CACHD1: variants seen among roughly 807,000 people sequenced by gnomAD.
CACHD1 encodes the protein cache domain containing 1.
CACHD1 carries 71 observed loss-of-function variants against 138.7 expected under a neutral mutation model. The ratio of observed to expected loss-of-function variants is 0.51; its 90% CI spans 0.42 to 0.62. CACHD1 has a LOEUF of 0.62. Ranked by LOEUF, CACHD1 falls within the 20% of genes least tolerant of loss-of-function variation. The pLI is 0.00. For synonymous variants in CACHD1, 578 were observed against 591.5 expected (o/e 0.98, Z 0.33); for missense variants, 1,389 against 1,625.3 (o/e 0.85, Z 2.50).
At chr1:64,690,942 A>G (rs960767841) in intron 26 of CACHD1, among the ~76,000 whole-genome samples, 3 of 152,194 alleles carry the variant, frequency 2.0e-5, no homozygotes, top group African/African-American at 4.8e-5. Flanking sequence ...TATCTTTATC[A>G]TAGGTAAAAG....
chr1:64,650,129 A>G (rs10493361), intron 9 of CACHD1, among the ~76,000 whole-genome samples: 4 of 152,362 alleles, frequency 2.6e-5, no homozygotes, highest in Non-Finnish European at 5.9e-5. Flanking sequence ...GGAGCTTAGC[A>G]TACTTTATTT....
intron 23 of CACHD1, 56 bp downstream of exon 23, chr1:64,678,366 A>G: frequency 6.8e-7 from 1 of 1,466,740 alleles, no homozygotes; most frequent in Non-Finnish European, 9.1e-7. Flanking sequence ...TTTCCTGCCT[A>G]TATGCTAGGA....
At chr1:64,494,099 T>G (rs1646293433) in intron 1 of CACHD1, among the ~76,000 whole-genome samples, 1 of 152,212 alleles carries the variant, frequency 6.6e-6, no homozygotes, top group African/African-American at 2.4e-5. Flanking sequence ...ACTTCAGAGC[T>G]GAGCATCTTA....
At chr1:64,564,414 G>A (rs1234012239) in intron 2 of CACHD1, among the ~76,000 whole-genome samples, 1 of 152,064 alleles carries the variant, frequency 6.6e-6, no homozygotes, top group East Asian at 1.9e-4. Flanking sequence ...AAGCCCTGAT[G>A]CCTTTCTGTA....
intron 4 of CACHD1, among the ~76,000 whole-genome samples, chr1:64,620,129 T>C (rs1471844969): frequency 6.6e-6 from 1 of 152,140 alleles, no homozygotes; most frequent in African/African-American, 2.4e-5. Context: ...CACCATATCT[T>C]ATCAGTTTTT....
chr1:64,691,578 A>C lies in CACHD1; in HGVS notation c.*17A>C. On this transcript the variant is annotated 3_prime_UTR_variant, in exon 27 of 27. Transcript: ENST00000651257. ...GAATGCTAACAATCTCCTCACCTCCACGCCAAGATGAGATCTGGGAGCTAC... is the reference window on the plus strand; with the variant it reads ...GAATGCTAACAATCTCCTCACCTCCCCGCCAAGATGAGATCTGGGAGCTAC... The C allele has an allele frequency of 6.3e-7, 1 of 1,599,026 alleles. No individual in the cohort carries two copies. Among genetic ancestry groups the C allele is most frequent in the Non-Finnish European group, 8.6e-7 (1 of 1,166,486 alleles).
At chr1:64,671,193 G>A (rs1649801288) in intron 16 of CACHD1, among the ~76,000 whole-genome samples, 1 of 147,034 alleles carries the variant, frequency 6.8e-6, no homozygotes, top group African/African-American at 2.5e-5. Flanking sequence ...TTGCTAAGGG[G>A]GATTTTTTTT....
Position 64,641,832 on chromosome 1 carries a change from T to G in CACHD1, c.1019T>G (p.Val340Gly), listed in dbSNP as rs757848790. The G allele has an allele frequency of 1.3e-5, 20 of 1,548,512 alleles. No homozygotes were observed. The Admixed American group carries it at 4.1e-4, about 32-fold the overall frequency. ...TGTTTTTGTTTAGATACAGACATGGTCATCATTTACCTGTCAGCTGGCATT... is the reference window on the plus strand; with the variant it reads ...TGTTTTTGTTTAGATACAGACATGGGCATCATTTACCTGTCAGCTGGCATT... Reference protein sequence around the residue: ...NTKFQANTDMVIIYLSAGITS... With the variant: ...NTKFQANTDMGIIYLSAGITS... The change falls in exon 8 of 27, where the codon GTC becomes GGC. Residue 340 changes from valine to glycine, a missense_variant. Around this residue, in one of 5 missense-constraint regions of CACHD1, gnomAD observed 1,000 missense variants for 1,114.7 expected, o/e 0.90. Transcript: ENST00000651257.
intron 22 of CACHD1, among the ~76,000 whole-genome samples, chr1:64,677,342 G>A (rs1274644672): frequency 6.6e-6 from 1 of 152,136 alleles, no homozygotes; most frequent in Non-Finnish European, 1.5e-5. Context: ...ATATTTTGAA[G>A]CTCATTTATT....
Position 64,516,377 on chromosome 1 carries a change from C to T in CACHD1, c.199-34217C>T, listed in dbSNP as rs555967463. On this transcript the variant is annotated intron_variant, in intron 1 of 26. Coordinates refer to ENST00000651257, the MANE Select transcript of CACHD1 (RefSeq NM_020925.4). ...ATGTGGTTCTAGAACAGCTGTTTTG[C>T]TGATCTGCCTCATCTCTAGACTTGG... 3.9e-5 allele frequency among the ~76,000 whole-genome samples: 6 copies of T among 152,306 alleles called. No homozygotes were observed. In the South Asian group the frequency reaches 1.0e-3, roughly 26 times the overall value.
intron 1 of CACHD1, among the ~76,000 whole-genome samples, chr1:64,532,214 G>A (rs1016311533): frequency 2.0e-5 from 3 of 152,144 alleles, no homozygotes; most frequent in Non-Finnish European, 4.4e-5. Context: ...TCTGTGTTTT[G>A]AATTTCCAGT....
At position 64,626,018 on chromosome 1, in the gene CACHD1, T is replaced by C. The variant is rs1033015004; in HGVS notation, c.518-3337T>C. On this transcript the variant is annotated intron_variant, in intron 4 of 26. Coordinates refer to ENST00000651257, the MANE Select transcript of CACHD1 (RefSeq NM_020925.4). ...AGTCCCCACATAGGCATAACCCTGT[T>C]TGGCTCTGGGCATAAGTTTCTGGGA... is the stretch of plus-strand genomic sequence containing the variant. Among the ~76,000 whole-genome samples the C allele has an allele frequency of 3.9e-5, 6 of 152,214 alleles. No individual in the cohort carries two copies. The South Asian group carries it at 1.2e-3, about 32-fold the overall frequency.
At chr1:64,684,971 G>A (rs138731874) in intron 26 of CACHD1, among the ~76,000 whole-genome samples, 3 of 152,154 alleles carry the variant, frequency 2.0e-5, no homozygotes, top group Admixed American at 6.5e-5. Flanking sequence ...CACCATGCCC[G>A]GCTAATTTTG....
intron 2 of CACHD1, among the ~76,000 whole-genome samples, chr1:64,567,686 T>C (rs1231332987): frequency 6.6e-6 from 1 of 152,194 alleles, no homozygotes; most frequent in African/African-American, 2.4e-5. Flanking sequence ...TCTAAAAACA[T>C]ATGCTGTGTT....
chr1:64,556,935 G>A (rs899302966), intron 2 of CACHD1, among the ~76,000 whole-genome samples: 3 of 152,036 alleles, frequency 2.0e-5, no homozygotes, highest in East Asian at 1.9e-4. Context: ...TGGCTAACAC[G>A]GTGAAACCCC....
intron 1 of CACHD1, among the ~76,000 whole-genome samples, chr1:64,514,224 A>G (rs972778957): frequency 1.3e-5 from 2 of 152,220 alleles, no homozygotes; most frequent in African/African-American, 4.8e-5. Flanking sequence ...CAGGGTCTTC[A>G]GCTAAAAGTG....
chr1:64,531,200 A>C (rs1646582493), intron 1 of CACHD1, among the ~76,000 whole-genome samples: 1 of 152,160 alleles, frequency 6.6e-6, no homozygotes. Flanking sequence ...AAACCCTTTA[A>C]AGGAAACACT....
At chr1:64,481,353 C>G (rs1646210730) in intron 1 of CACHD1, among the ~76,000 whole-genome samples, 1 of 151,938 alleles carries the variant, frequency 6.6e-6, no homozygotes, top group African/African-American at 2.4e-5. Flanking sequence ...TAAAGATATT[C>G]AAGGCCCTGG....
intron 8 of CACHD1, among the ~76,000 whole-genome samples, chr1:64,643,373 T>C (rs908087053): frequency 1.1e-4 from 17 of 152,386 alleles, no homozygotes; most frequent in Non-Finnish European, 2.4e-4. Context: ...CCTTAGCTGC[T>C]GTCCACATTT....
Sources: allele counts gnomAD v4.1 joint callset (sites outside exome capture counted in the v4.1 genomes callset), GRCh38; gene constraint gnomAD v4.1.1; regional missense constraint gnomAD v4.1.1; transcripts MANE v1.5; gene names NCBI Gene and HGNC (gene_info 2026-07-23, HGNC 2026-07-21).